DICER1: variants seen among roughly 807,000 people sequenced by gnomAD.
DICER1 encodes dicer 1, ribonuclease III, also known as endoribonuclease Dicer.
A neutral mutation model predicts 194.1 loss-of-function variants in DICER1; 43 were observed. That is an observed-to-expected ratio of 0.22 (90% confidence interval 0.17 to 0.29). The LOEUF is 0.29. Ranked by LOEUF, DICER1 falls within the 10% of genes least tolerant of loss-of-function variation. The pLI, the probability that DICER1 is intolerant of heterozygous loss-of-function variation, is 1.00. For synonymous variants in DICER1, 832 were observed against 820.5 expected, an observed-to-expected ratio of 1.01 and a Z score of -0.24; for missense variants, 1,608 against 2,317.0, an observed-to-expected ratio of 0.69 and a Z score of 6.28.
In DICER1 at chr14:95,105,654, A is replaced by T; in HGVS notation, c.3093+24T>A. ...TTAATACTCAAACAAATACTAAGTT[A>T]TGCTAGTACAATTAACTCATTACCT... On this transcript the variant is annotated intron_variant, in intron 19 of 26. Coordinates refer to ENST00000343455, the MANE Select transcript of DICER1 (RefSeq NM_177438.3). The surrounding 1 kb of genome is among the most constrained non-coding windows in gnomAD (Gnocchi z 4.9). 1 of 1,448,216 alleles carries T rather than the reference A, an allele frequency of 6.9e-7. No individual in the cohort carries two copies. 89.7% of individuals were successfully genotyped at this position (1,448,216 alleles called of 1,614,324 possible).
At chr14:95,121,583 C>T (rs931948377) in intron 8 of DICER1, among the ~76,000 whole-genome samples, 2 of 152,112 alleles carry the variant, frequency 1.3e-5, no homozygotes, top group African/African-American at 2.4e-5. Context: ...AGGATGTGAA[C>T]CCAGGTTTGT....
intron 2 of DICER1, 83 bp from the exon 3 acceptor site, chr14:95,132,760 A>T (rs1894066452): frequency 7.4e-7 from 1 of 1,343,542 alleles, no homozygotes; most frequent in South Asian, 1.2e-5. Context: ...TAAATCAGGA[A>T]ATTTCACTAT....
intron 21 of DICER1, among the ~76,000 whole-genome samples, chr14:95,100,885 G>GA (rs1368869481): frequency 6.6e-6 from 1 of 152,192 alleles, no homozygotes; most frequent in African/African-American, 2.4e-5. Flanking sequence ...CAGGGAAAAG[G>GA]AGGGTACGTG....
At position 95,088,371 on chromosome 14, in the gene DICER1, A is replaced by G. The variant is rs1174054818; in HGVS notation, c.*2127T>C. On this transcript the variant is annotated 3_prime_UTR_variant, in exon 27 of 27. Coordinates refer to ENST00000343455, the MANE Select transcript of DICER1 (RefSeq NM_177438.3). Reference sequence around the variant, plus strand: ...AAGAGAATCCCGTAACACTGGGATCAATGTATTAGACACAATGCAAAGCCC... The same window carrying G: ...AAGAGAATCCCGTAACACTGGGATCGATGTATTAGACACAATGCAAAGCCC... 2 of 232,468 alleles carry G rather than the reference A, an allele frequency of 8.6e-6. No individual in the cohort carries two copies. Among genetic ancestry groups the G allele is most frequent in the African/African-American group, 4.4e-5 (2 of 45,276 alleles). The allele number at this position is 232,468 out of a possible 1,614,324, so 14.4% of individuals were successfully genotyped here.
Position 95,129,612 on chromosome 14 carries a change from T to G in DICER1, c.594A>C (p.Ser198=), listed in dbSNP as rs761971627. The part of the protein sequence containing the change: ...EIMKLCENCP[S]CPRILGLTAS... ...CAGTTAGTCCCAAAATGCGAGGACATGATGGACAATTTTCACAGAGCTAAC... is the reference window on the plus strand; with the variant it reads ...CAGTTAGTCCCAAAATGCGAGGACAGGATGGACAATTTTCACAGAGCTAAC... The change falls in exon 6 of 27, where the codon TCA becomes TCC. Residue 198 remains serine, a synonymous_variant. Coordinates refer to ENST00000343455, the MANE Select transcript of DICER1 (RefSeq NM_177438.3). 13 of 1,612,402 alleles carry G rather than the reference T, an allele frequency of 8.1e-6. No homozygotes were observed. The highest frequency in any genetic ancestry group is 1.1e-5 in the Non-Finnish European group (13 of 1,179,870).
rs1891593069 is a variant in DICER1, at chr14:95,107,920, T to C, written c.2610A>G (p.Thr870=). ...GAACACAGTATGCTGAATCAGCGTC[T>C]GTAGGTTTAAATTCTAGTGCAGGTT... The part of the protein sequence containing the change: ...LEKPALEFKP[T]DADSAYCVLP... Residue 870 remains threonine (T), a synonymous_variant, in exon 16 of 27, where the codon ACA becomes ACG. Coordinates refer to ENST00000343455, the MANE Select transcript of DICER1 (RefSeq NM_177438.3). 2 of 1,614,032 alleles carry C rather than the reference T, an allele frequency of 1.2e-6. No homozygotes were observed. The highest frequency in any genetic ancestry group is 1.3e-5 in the African/African-American group (1 of 74,946).
At chr14:95,127,550 A>G (rs371025270) in intron 6 of DICER1, among the ~76,000 whole-genome samples, 2 of 152,356 alleles carry the variant, frequency 1.3e-5, no homozygotes, top group East Asian at 3.9e-4. Context: ...AGGTAATTTT[A>G]CACAATATTT....
At chr14:95,113,943 T>C (rs1471823657) in intron 11 of DICER1, among the ~76,000 whole-genome samples, 1 of 152,116 alleles carries the variant, frequency 6.6e-6, no homozygotes, top group Non-Finnish European at 1.5e-5. Flanking sequence ...TTGAGGACAA[T>C]GGGAGCCAAA....
At chr14:95,148,562 T>C (rs1393678594) in intron 1 of DICER1, among the ~76,000 whole-genome samples, 1 of 152,254 alleles carries the variant, frequency 6.6e-6, no homozygotes. Context: ...TCTGGGTTTC[T>C]CTAAATCTCT....
intron 14 of DICER1, among the ~76,000 whole-genome samples, chr14:95,109,602 T>C (rs758986620): frequency 1.3e-5 from 2 of 152,172 alleles, no homozygotes; most frequent in African/African-American, 2.4e-5. Context: ...ACGTGAAAAT[T>C]TGGTATGAGG....
intron 14 of DICER1, among the ~76,000 whole-genome samples, chr14:95,109,553 C>T (rs1891764869): frequency 6.6e-6 from 1 of 152,148 alleles, no homozygotes; most frequent in Non-Finnish European, 1.5e-5. Context: ...CTTTTAGAAA[C>T]ACTTATCATT....
chr14:95,121,374 A>C (rs1892925677), intron 8 of DICER1, among the ~76,000 whole-genome samples: 1 of 152,236 alleles, frequency 6.6e-6, no homozygotes, highest in Non-Finnish European at 1.5e-5. Context: ...GTCAAAATCC[A>C]AATAAAGTCT....
rs1443402750 is a variant in DICER1, at chr14:95,088,017, C to T, written c.*2481G>A. ...TAAAAATCAGCAGCACAAAAGCGTT[C>T]ATAACCATTTCATATGTCTAACTCG... On this transcript the variant is annotated 3_prime_UTR_variant, in exon 27 of 27. Transcript: ENST00000343455. The T allele has an allele frequency of 4.3e-6, 1 of 232,874 alleles. No individual in the cohort carries two copies. 14.4% of individuals were successfully genotyped at this position (232,874 alleles called of 1,614,324 possible).
chr14:95,131,461 C>T (rs1463730828), intron 4 of DICER1, 48 bp downstream of exon 4: 2 of 1,583,784 alleles, frequency 1.3e-6, no homozygotes. Flanking sequence ...CAAACCAAGT[C>T]AAGAACTTGT....
Position 95,132,715 on chromosome 14 carries a change from C to T in DICER1, c.145-38G>A, listed in dbSNP as rs760770267. 17 of 1,592,366 alleles carry T rather than the reference C, an allele frequency of 1.1e-5. No homozygotes were observed. Among genetic ancestry groups the T allele is most frequent in the Non-Finnish European group, 1.5e-5 (17 of 1,161,442 alleles). ...TGAAAAAAAAGTTATGCACTTCTTA[C>T]CTAAGTACAAAATTTATAAAATTGG... On this transcript the variant is annotated intron_variant, in intron 2 of 26. Transcript: ENST00000343455.
chr14:95,103,312 A>C, intron 21 of DICER1, 34 bp downstream of exon 21: 1 of 1,605,178 alleles, frequency 6.2e-7, no homozygotes, highest in Admixed American at 1.7e-5. Context: ...ACACTGAATA[A>C]TTAACTGCTC....
At position 95,116,446 on chromosome 14, in the gene DICER1, A is replaced by T. The variant is rs2140122488; in HGVS notation, c.1752+7T>A. The T allele has an allele frequency of 1.2e-6, 2 of 1,610,100 alleles. No homozygotes were observed. The highest frequency in any genetic ancestry group is 2.2e-5 in the South Asian group (2 of 91,030). On this transcript the variant is annotated splice_region_variant and intron_variant, in intron 10 of 26. Coordinates refer to ENST00000343455, the MANE Select transcript of DICER1 (RefSeq NM_177438.3). ...TCTGCCGGCACATGTTAATATGTTG[A>T]TCTTACCTTTTCAATAGCTTTGTAG...
Position 95,124,076 on chromosome 14 carries a change from G to T in DICER1, c.1376+120C>A. 1 of 732,326 alleles carries T rather than the reference G, an allele frequency of 1.4e-6. No homozygotes were observed. Among genetic ancestry groups the T allele is most frequent in the Non-Finnish European group, 2.4e-6 (1 of 424,700 alleles). 45.4% of individuals were successfully genotyped at this position (732,326 alleles called of 1,614,324 possible). On this transcript the variant is annotated intron_variant, in intron 8 of 26. Coordinates refer to ENST00000343455, the MANE Select transcript of DICER1 (RefSeq NM_177438.3). The surrounding 1 kb of genome is among the most constrained non-coding windows in gnomAD (Gnocchi z 4.5). Reference sequence around the variant, plus strand: ...AGCATGACGTATCAGCAATGATGGCGCCAAGTCAAGGACACTTACATAACC... The same window carrying T: ...AGCATGACGTATCAGCAATGATGGCTCCAAGTCAAGGACACTTACATAACC...
In DICER1 at chr14:95,129,507, A is replaced by G; in HGVS notation, c.699T>C (p.Asn233=). The change falls in exon 6 of 27, where the codon AAT becomes AAC. Residue 233 remains asparagine, a synonymous_variant. Coordinates refer to ENST00000343455, the MANE Select transcript of DICER1 (RefSeq NM_177438.3). The part of the protein sequence containing the change: ...IQKLEKILKS[N]AETATDLVVL... Reference sequence around the variant, plus strand: ...CCACCAGGTCAGTTGCAGTTTCAGCATTACTCTTAAGAATTTTCTCTAGTT... The same window carrying G: ...CCACCAGGTCAGTTGCAGTTTCAGCGTTACTCTTAAGAATTTTCTCTAGTT... 6.2e-7 allele frequency: 1 copy of G among 1,613,988 alleles called. No individual in the cohort carries two copies.
Sources: allele counts gnomAD v4.1 joint callset (sites outside exome capture counted in the v4.1 genomes callset), GRCh38; gene constraint gnomAD v4.1.1; non-coding constraint Gnocchi (gnomAD v3.1); transcripts MANE v1.5; gene names NCBI Gene and HGNC (gene_info 2026-07-23, HGNC 2026-07-21).